LRFN5: variants seen among roughly 807,000 people sequenced by gnomAD.
LRFN5 encodes the protein leucine rich repeat and fibronectin type III domain containing 5, also known as leucine-rich repeat and fibronectin type-III domain-containing protein 5.
In LRFN5, 24 loss-of-function variants were observed where a neutral mutation model predicts 45.6. The ratio of observed to expected loss-of-function variants is 0.53; its 90% confidence interval spans 0.38 to 0.74. The LOEUF is 0.74. Among genes scored for constraint, LRFN5 ranks in the 30% least tolerant of loss-of-function variants. The pLI is 0.00. For missense variants in LRFN5, 776 were observed against 861.5 expected (o/e 0.90, Z 1.24); for synonymous variants, 340 against 313.8 (o/e 1.08, Z -0.88).
At chr14:41,782,177 A>T (rs1362391874) in intron 2 of LRFN5, among the ~76,000 whole-genome samples, 2 of 151,426 alleles carry the variant, frequency 1.3e-5, no homozygotes, top group African/African-American at 4.8e-5. Flanking sequence ...TAACCTTTTG[A>T]AATTGTTTTA....
intron 1 of LRFN5, among the ~76,000 whole-genome samples, chr14:41,763,508 G>T (rs1012472307): frequency 1.3e-5 from 2 of 152,060 alleles, no homozygotes; most frequent in African/African-American, 4.8e-5. Flanking sequence ...GTTTGGCTTT[G>T]TCCTCACCCA....
At chr14:41,623,582 A>G (rs138734972) in intron 1 of LRFN5, among the ~76,000 whole-genome samples, 29 of 152,264 alleles carry the variant, frequency 1.9e-4, no homozygotes, top group Non-Finnish European at 4.1e-4. Context: ...TATGCAGTCT[A>G]TATTAAGTGG....
rs1886259178 is a variant in LRFN5 at position 41,775,547 on chromosome 14, CT to C, written c.-21+8519del. On this transcript the variant is annotated intron_variant, in intron 2 of 5. Coordinates refer to ENST00000298119, the MANE Select transcript of LRFN5 (RefSeq NM_152447.5). ...CAAGCTTTCACATACTGTTTAATAT[CT>C]GGAAAACAAATAACCTTTTCATACC... Among the ~76,000 whole-genome samples, 3 of 152,216 alleles carry C rather than the reference CT, an allele frequency of 2.0e-5. No homozygotes were observed. The East Asian group carries it at 5.8e-4, about 29-fold the overall frequency.
rs544646219 is a variant in LRFN5, at chr14:41,855,653, C to T, written c.-20-30953C>T. 2.8e-4 allele frequency among the ~76,000 whole-genome samples: 43 copies of T among 152,076 alleles called. 1 individual carries two copies. Among genetic ancestry groups the T allele is most frequent in the Non-Finnish European group, 2.9e-5 (2 of 68,010 alleles). ...AATATAACGACAAAAGTGTTCTTGC[C>T]TACTAAGGAAACTCTTGATGACTAT... On this transcript the variant is annotated intron_variant, in intron 2 of 5. Coordinates refer to ENST00000298119, the MANE Select transcript of LRFN5 (RefSeq NM_152447.5).
chr14:41,883,229 T>C (rs1264187442), intron 2 of LRFN5, among the ~76,000 whole-genome samples: 2 of 151,970 alleles, frequency 1.3e-5, no homozygotes, highest in Admixed American at 6.6e-5. Flanking sequence ...AAGATTATAA[T>C]GTTACTATTT....
intron 1 of LRFN5, among the ~76,000 whole-genome samples, chr14:41,712,613 AC>A (rs1184457207): frequency 2.0e-5 from 3 of 152,176 alleles, no homozygotes; most frequent in Admixed American, 6.5e-5. Flanking sequence ...TTTTAAATGA[AC>A]AGGTTTAGGT....
intron 4 of LRFN5, among the ~76,000 whole-genome samples, chr14:41,896,276 T>C (rs1313415225): frequency 6.6e-6 from 1 of 152,158 alleles, no homozygotes; most frequent in African/African-American, 2.4e-5. Flanking sequence ...GTCATTGTCT[T>C]CTCAGCATAG....
At chr14:41,736,991 A>T (rs1343492424) in intron 1 of LRFN5, among the ~76,000 whole-genome samples, 3 of 152,140 alleles carry the variant, frequency 2.0e-5, no homozygotes, top group Non-Finnish European at 4.4e-5. Context: ...ATCCTCTCTA[A>T]CTCATTTTCT....
intron 1 of LRFN5, among the ~76,000 whole-genome samples, chr14:41,644,127 T>A (rs1452229984): frequency 6.6e-6 from 1 of 152,212 alleles, no homozygotes; most frequent in Admixed American, 6.5e-5. Context: ...TTTTTGTGGT[T>A]GCTTTATTTT....
At chr14:41,771,765 A>T (rs1035519009) in intron 2 of LRFN5, among the ~76,000 whole-genome samples, 1 of 152,160 alleles carries the variant, frequency 6.6e-6, no homozygotes. Flanking sequence ...CCAGTCTCTT[A>T]GAATTCTAAA....
At chr14:41,860,087 C>T (rs1278160481) in intron 2 of LRFN5, among the ~76,000 whole-genome samples, 1 of 152,060 alleles carries the variant, frequency 6.6e-6, no homozygotes, top group Non-Finnish European at 1.5e-5. Flanking sequence ...TTATCGCTGC[C>T]ATTACTTTAA....
chr14:41,831,977 TA>T (rs763669355), intron 2 of LRFN5, among the ~76,000 whole-genome samples: 39 of 152,290 alleles, frequency 2.6e-4, no homozygotes, highest in African/African-American at 7.7e-4. Context: ...AAAAAATTTT[TA>T]ACTTCTTTCT....
chr14:41,721,554 G>A (rs961787570), intron 1 of LRFN5, among the ~76,000 whole-genome samples: 1 of 152,028 alleles, frequency 6.6e-6, no homozygotes. Flanking sequence ...TCTTCTTTAA[G>A]GCTGATATAG....
intron 2 of LRFN5, among the ~76,000 whole-genome samples, chr14:41,869,110 G>A (rs1266827516): frequency 6.6e-6 from 1 of 152,028 alleles, no homozygotes; most frequent in East Asian, 1.9e-4. Flanking sequence ...TGTTACTGCT[G>A]GAGTGGTAGT....
intron 1 of LRFN5, among the ~76,000 whole-genome samples, chr14:41,680,132 AC>A (rs1472071009): frequency 6.6e-6 from 1 of 152,072 alleles, no homozygotes; most frequent in African/African-American, 2.4e-5. Context: ...AAGGTTTACA[AC>A]TCCAGGCTCT....
intron 1 of LRFN5, among the ~76,000 whole-genome samples, chr14:41,675,602 G>C (rs934276378): frequency 4.6e-5 from 7 of 151,982 alleles, no homozygotes; most frequent in African/African-American, 1.7e-4. Context: ...GGAAAGAGGG[G>C]ACAGGGAGAG....
intron 2 of LRFN5, among the ~76,000 whole-genome samples, chr14:41,845,333 T>C (rs2139063605): frequency 6.6e-6 from 1 of 152,260 alleles, no homozygotes; most frequent in East Asian, 1.9e-4. Flanking sequence ...ATACATTTAA[T>C]AGACTATATC....
intron 2 of LRFN5, among the ~76,000 whole-genome samples, chr14:41,778,153 T>C (rs1463953832): frequency 1.3e-5 from 2 of 151,722 alleles, no homozygotes; most frequent in African/African-American, 4.8e-5. Flanking sequence ...TATTTAAATA[T>C]GAAATATTTA....
intron 5 of LRFN5, among the ~76,000 whole-genome samples, chr14:41,901,017 T>C (rs567175081): frequency 6.6e-6 from 1 of 152,254 alleles, no homozygotes; most frequent in South Asian, 2.1e-4. Flanking sequence ...AACACTTATT[T>C]CATTTCCATT....
Sources: gnomAD v4.1 joint callset for allele counts (sites outside exome capture counted in the v4.1 genomes callset) on GRCh38, gnomAD v4.1.1 for gene constraint, MANE v1.5 for transcripts, NCBI Gene and HGNC (gene_info 2026-07-23, HGNC 2026-07-21) for gene names.